CHRM3: variants seen among roughly 807,000 people sequenced by gnomAD.
The protein encoded by CHRM3 is cholinergic receptor muscarinic 3, also known as muscarinic acetylcholine receptor M3.
Under a neutral mutation model 41.8 loss-of-function variants are expected in CHRM3, and 11 were observed. The ratio of observed to expected loss-of-function variants is 0.26; its 90% CI spans 0.17 to 0.44. CHRM3 has a LOEUF of 0.44. Among genes scored for constraint, CHRM3 ranks in the 20% least tolerant of loss-of-function variants. CHRM3 has a pLI of 1.00. For missense variants in CHRM3, 571 were observed against 745.4 expected (o/e 0.77, Z 2.72); for synonymous variants, 297 against 301.4 (o/e 0.99, Z 0.15).
intron 1 of CHRM3, among the ~76,000 whole-genome samples, chr1:239,388,826 G>T (rs1307614768): frequency 5.9e-5 from 9 of 152,142 alleles, no homozygotes; most frequent in Admixed American, 5.9e-4. Flanking sequence ...AGCTTCTACC[G>T]CCGAATAGTC....
intron 5 of CHRM3, among the ~76,000 whole-genome samples, chr1:239,783,629 G>A (rs1024183376): frequency 6.6e-6 from 1 of 152,062 alleles, no homozygotes; most frequent in Non-Finnish European, 1.5e-5. Context: ...AACTGAACAA[G>A]ATTAATAAAA....
intron 5 of CHRM3, among the ~76,000 whole-genome samples, chr1:239,780,318 C>CT (rs1363172592): frequency 6.6e-6 from 1 of 152,164 alleles, no homozygotes; most frequent in East Asian, 1.9e-4. Context: ...TGGATTTTTG[C>CT]TATTCTAATA....
rs568446655 is a variant in CHRM3, at chr1:239,754,977, T to G, written c.-146-72275T>G. ...AAAATACTGACCCAAGGCTATCCTA[T>G]CTTGTCTTAAAAGAATTAGGCATTG... On this transcript the variant is annotated intron_variant, in intron 5 of 6. Transcript: ENST00000676153. Among the ~76,000 whole-genome samples the G allele has an allele frequency of 3.8e-4, 58 of 152,330 alleles. No individual in the cohort carries two copies. In the South Asian group the frequency reaches 0.012, roughly 30 times the overall value.
At chr1:239,813,314 A>T (rs1179194120) in intron 5 of CHRM3, among the ~76,000 whole-genome samples, 1 of 152,160 alleles carries the variant, frequency 6.6e-6, no homozygotes, top group Non-Finnish European at 1.5e-5. Flanking sequence ...AAAGGTACTT[A>T]CTGTATTCTC....
chr1:239,455,627 A>G (rs1454099977), intron 1 of CHRM3, among the ~76,000 whole-genome samples: 1 of 152,190 alleles, frequency 6.6e-6, no homozygotes, highest in Admixed American at 6.5e-5. Context: ...AAAAAAGCTT[A>G]TAGTATAAGG....
intron 2 of CHRM3, among the ~76,000 whole-genome samples, chr1:239,500,524 A>C (rs1668165453): frequency 6.6e-6 from 1 of 151,986 alleles, no homozygotes; most frequent in Non-Finnish European, 1.5e-5. Context: ...TTAAATGATG[A>C]GTTAATGGGT....
At chr1:239,412,121 ATTAC>A (rs1426720325) in intron 1 of CHRM3, among the ~76,000 whole-genome samples, 1 of 150,862 alleles carries the variant, frequency 6.6e-6, no homozygotes, top group East Asian at 2.0e-4. Context: ...TTACTGCTGA[ATTAC>A]TTAGTGAACT....
intron 6 of CHRM3, among the ~76,000 whole-genome samples, chr1:239,842,388 T>A (rs902573060): frequency 6.6e-6 from 1 of 151,902 alleles, no homozygotes; most frequent in African/African-American, 2.4e-5. Context: ...GTGCCCGCCA[T>A]CATGCCTGGC....
intron 5 of CHRM3, among the ~76,000 whole-genome samples, chr1:239,698,550 C>T (rs1344258078): frequency 6.6e-6 from 1 of 152,276 alleles, no homozygotes; most frequent in East Asian, 1.9e-4. Flanking sequence ...ATACTTAACA[C>T]CGTAAGACTA....
intron 1 of CHRM3, among the ~76,000 whole-genome samples, chr1:239,433,713 G>T (rs147938358): frequency 0.01 from 1,519 of 149,980 alleles, 28 homozygotes; most frequent in African/African-American, 0.035. Context: ...TATGATGTTT[G>T]GTTTTCCATT....
intron 5 of CHRM3, among the ~76,000 whole-genome samples, chr1:239,681,621 C>T (rs941638551): frequency 2.6e-5 from 4 of 152,178 alleles, no homozygotes; most frequent in African/African-American, 9.7e-5. Context: ...AGTCTGGGTA[C>T]AGTGGCTCAT....
chr1:239,824,187 AT>A (rs1307217188), intron 5 of CHRM3, among the ~76,000 whole-genome samples: 3 of 152,104 alleles, frequency 2.0e-5, no homozygotes, highest in African/African-American at 7.2e-5. Flanking sequence ...CACTTGTTTT[AT>A]ATCTTGAATG....
At chr1:239,398,579 G>T (rs962986003) in intron 1 of CHRM3, among the ~76,000 whole-genome samples, 2 of 152,100 alleles carry the variant, frequency 1.3e-5, no homozygotes, top group Non-Finnish European at 2.9e-5. Context: ...AACCCCTGAA[G>T]ATTTTGTCCA....
At chr1:239,440,455 G>A (rs1468864773) in intron 1 of CHRM3, among the ~76,000 whole-genome samples, 2 of 152,068 alleles carry the variant, frequency 1.3e-5, no homozygotes, top group African/African-American at 4.8e-5. Flanking sequence ...AGACCCTGCT[G>A]CTAAAAATAT....
At chr1:239,696,931 T>G (rs1304811379) in intron 5 of CHRM3, among the ~76,000 whole-genome samples, 1 of 152,178 alleles carries the variant, frequency 6.6e-6, no homozygotes, top group Non-Finnish European at 1.5e-5. Context: ...CTTTAAAAAT[T>G]TTTGGTAGCC....
chr1:239,612,247 TATTTTA>T, intron 3 of CHRM3, among the ~76,000 whole-genome samples: 1 of 152,350 alleles, frequency 6.6e-6, no homozygotes, highest in East Asian at 1.9e-4. Flanking sequence ...TTTTAATTTT[TATTTTA>T]ATTAATATAT....
At chr1:239,508,508 G>A (rs989438168) in intron 2 of CHRM3, among the ~76,000 whole-genome samples, 4 of 151,934 alleles carry the variant, frequency 2.6e-5, no homozygotes, top group Admixed American at 2.6e-4. Flanking sequence ...TCTTTTCTAT[G>A]GTTTAAATTA....
intron 1 of CHRM3, among the ~76,000 whole-genome samples, chr1:239,409,099 G>A (rs1243875162): frequency 2.0e-5 from 3 of 152,246 alleles, no homozygotes; most frequent in South Asian, 4.1e-4. Context: ...AAACATGCTT[G>A]AAGATACTGT....
intron 5 of CHRM3, among the ~76,000 whole-genome samples, chr1:239,750,072 A>ACCCATT (rs1558510285): frequency 2.0e-5 from 3 of 152,192 alleles, no homozygotes. Flanking sequence ...TGTAAGAATC[A>ACCCATT]CCCATTCAGA....
Sources: allele counts gnomAD v4.1 joint callset (sites outside exome capture counted in the v4.1 genomes callset), GRCh38; gene constraint gnomAD v4.1.1; transcripts MANE v1.5; gene names NCBI Gene and HGNC (gene_info 2026-07-23, HGNC 2026-07-21).